Variants in KLRG1 observed in about 807,000 individuals in gnomAD.
The protein encoded by KLRG1 is killer cell lectin like receptor G1.
KLRG1 carries 16 observed loss-of-function variants against 21.8 expected under a neutral mutation model. The observed-to-expected ratio is 0.73, with a 90% CI of 0.50 to 1.11. The LOEUF is 1.11. KLRG1 is among the 50% of genes most tolerant of loss of function. KLRG1 has a pLI of 0.00. For missense variants in KLRG1, 173 were observed against 218.3 expected (o/e 0.79, Z 1.31); for synonymous variants, 69 against 75.9 (o/e 0.91, Z 0.47).
the KLRG1 span, among the ~76,000 whole-genome samples, chr12:9,021,070 A>G: frequency 6.6e-6 from 1 of 152,210 alleles, no homozygotes; most frequent in African/African-American, 2.4e-5. Flanking sequence ...GCATAGAAAA[A>G]ATACAGTAAA....
chr12:9,084,658 G>A, the KLRG1 span, among the ~76,000 whole-genome samples: 1 of 152,100 alleles, frequency 6.6e-6, no homozygotes, highest in African/African-American at 2.4e-5. Context: ...CAAAATGGTA[G>A]TACCAAGTCA....
chr12:9,098,472 A>G, the KLRG1 span: 9 of 897,008 alleles, frequency 1.0e-5, no homozygotes, highest in Admixed American at 2.9e-4. Context: ...ATGAAAGCCC[A>G]CAAGAGAGCT....
chr12:8,975,699 G>A (rs749303062), intron 1 of KLRG1, among the ~76,000 whole-genome samples: 1 of 152,226 alleles, frequency 6.6e-6, no homozygotes, highest in Non-Finnish European at 1.5e-5. Context: ...GAGTAGCTGA[G>A]ACTACAGGCA....
At chr12:9,041,292 G>A in the KLRG1 span, among the ~76,000 whole-genome samples, 1 of 152,170 alleles carries the variant, frequency 6.6e-6, no homozygotes, top group Admixed American at 6.5e-5. Flanking sequence ...CTGAGATCGC[G>A]CCTCTGCAGT....
At chr12:9,042,822 A>G in the KLRG1 span, among the ~76,000 whole-genome samples, 12 of 152,178 alleles carry the variant, frequency 7.9e-5, no homozygotes, top group African/African-American at 2.7e-4. Context: ...GCAATGTCTT[A>G]TAGAAAAGGA....
chr12:9,006,194 C>T (rs1947467090), intron 3 of KLRG1, among the ~76,000 whole-genome samples: 1 of 152,174 alleles, frequency 6.6e-6, no homozygotes. Flanking sequence ...CTTTCATTTT[C>T]TTCGGAAGAG....
At chr12:9,038,349 G>T in the KLRG1 span, among the ~76,000 whole-genome samples, 2 of 152,178 alleles carry the variant, frequency 1.3e-5, no homozygotes, top group South Asian at 4.1e-4. Context: ...AGCCAAAGCT[G>T]CTGAAGCTGC....
the KLRG1 span, among the ~76,000 whole-genome samples, chr12:9,044,691 C>T: frequency 6.6e-6 from 1 of 151,242 alleles, no homozygotes; most frequent in Admixed American, 6.6e-5. Flanking sequence ...AAACCCCAAA[C>T]AATTAGAAAC....
At chr12:9,182,134 G>A in the KLRG1 span, 3 of 1,610,988 alleles carry the variant, frequency 1.9e-6, no homozygotes, top group Admixed American at 5.0e-5. Context: ...CATGGAGAGA[G>A]TGAGACAAAA....
At chr12:9,100,163 A>G in the KLRG1 span, among the ~76,000 whole-genome samples, 1 of 152,206 alleles carries the variant, frequency 6.6e-6, no homozygotes, top group Admixed American at 6.5e-5. Context: ...TTCAGTCGGT[A>G]GAAGTACCCA....
chr12:9,203,760 G>A, the KLRG1 span: 1 of 1,613,898 alleles, frequency 6.2e-7, no homozygotes, highest in Non-Finnish European at 8.5e-7. Context: ...TGGCACCGTA[G>A]CACTCACAGT....
At chr12:9,165,312 T>C in the KLRG1 span, 1 of 1,614,134 alleles carries the variant, frequency 6.2e-7, no homozygotes, top group Non-Finnish European at 8.5e-7. Context: ...GCCCCTGCCT[T>C]CCACTCGGTG....
intron 1 of KLRG1, among the ~76,000 whole-genome samples, chr12:8,982,424 C>T (rs1946769031): frequency 6.6e-6 from 1 of 152,138 alleles, no homozygotes; most frequent in Non-Finnish European, 1.5e-5. Flanking sequence ...TGATTTTGGA[C>T]TTCTGACCTA....
the KLRG1 span, chr12:9,111,940 T>A: frequency 2.8e-6 from 2 of 708,620 alleles, no homozygotes; most frequent in Non-Finnish European, 5.3e-6. Context: ...AATTTAATTG[T>A]GTGACAACTG....
the KLRG1 span, chr12:9,113,427 CT>C: frequency 4.3e-6 from 7 of 1,613,738 alleles, no homozygotes; most frequent in Non-Finnish European, 5.9e-6. Flanking sequence ...CCTGTTTCCC[CT>C]GACAGACTCC....
the KLRG1 span, chr12:9,154,659 A>G: frequency 1.9e-6 from 3 of 1,614,148 alleles, no homozygotes; most frequent in Admixed American, 1.7e-5. Context: ...CTGCTTCATG[A>G]TCCACTTCAC....
the KLRG1 span, chr12:9,106,325 G>T: frequency 9.3e-6 from 15 of 1,609,904 alleles, no homozygotes; most frequent in Non-Finnish European, 1.3e-5. Context: ...TCACTGGACT[G>T]CCTTCCAGTC....
At chr12:9,029,123 T>G in the KLRG1 span, 1 of 369,564 alleles carries the variant, frequency 2.7e-6, no homozygotes, top group Non-Finnish European at 5.1e-6. Context: ...TAATGATGCT[T>G]CCTCGGTGGT....
At chr12:9,094,555 G>A in the KLRG1 span, among the ~76,000 whole-genome samples, 2 of 151,828 alleles carry the variant, frequency 1.3e-5, no homozygotes, top group Admixed American at 1.3e-4. Flanking sequence ...CCTCAATCAT[G>A]ATTTGACAAT....
Sources: gnomAD v4.1 joint callset for allele counts (sites outside exome capture counted in the v4.1 genomes callset) on GRCh38, gnomAD v4.1.1 for gene constraint, MANE v1.5 for transcripts, NCBI Gene and HGNC (gene_info 2026-07-23, HGNC 2026-07-21) for gene names.